Variants in RIMS2 observed in about 807,000 individuals in gnomAD.
The protein encoded by RIMS2 is regulating synaptic membrane exocytosis protein 2.
A neutral mutation model predicts 174.4 loss-of-function variants in RIMS2; 59 were observed. That is an observed-to-expected ratio of 0.34 (90% CI 0.27 to 0.42). The LOEUF is 0.42. Among genes scored for constraint, RIMS2 ranks in the 10% least tolerant of loss-of-function variants. The probability of loss-of-function intolerance (pLI) is 1.00; values close to 1 mark genes in which losing one functional copy is unlikely to be tolerated. For missense variants in RIMS2, 1,620 were observed against 1,666.3 expected, an observed-to-expected ratio of 0.97 and a Z score of 0.48; for synonymous variants, 606 against 572.5, an observed-to-expected ratio of 1.06 and a Z score of -0.84.
chr8:103,505,719 T>C (rs1215655696), intron 1 of RIMS2, among the ~76,000 whole-genome samples: 2 of 152,174 alleles, frequency 1.3e-5, no homozygotes, highest in Non-Finnish European at 2.9e-5. Flanking sequence ...AAGTGGTGTG[T>C]ACTAAGGGGA....
intron 1 of RIMS2, among the ~76,000 whole-genome samples, chr8:103,596,700 C>T (rs2094491067): frequency 6.6e-6 from 1 of 151,902 alleles, no homozygotes; most frequent in African/African-American, 2.4e-5. Flanking sequence ...ATAAAAATAT[C>T]TGACTGATTC....
chr8:103,703,105 T>C (rs968048950), intron 2 of RIMS2, among the ~76,000 whole-genome samples: 1 of 151,308 alleles, frequency 6.6e-6, no homozygotes, highest in Non-Finnish European at 1.5e-5. Context: ...CCTTGGCCTT[T>C]TGAGTATCTG....
intron 1 of RIMS2, among the ~76,000 whole-genome samples, chr8:103,647,381 G>GT (rs1456986051): frequency 6.6e-6 from 1 of 151,910 alleles, no homozygotes; most frequent in African/African-American, 2.4e-5. Flanking sequence ...TTGGCCTGAG[G>GT]TTTTTTGTGT....
chr8:103,914,055 G>T (rs1305477647), intron 6 of RIMS2, among the ~76,000 whole-genome samples: 5 of 152,116 alleles, frequency 3.3e-5, no homozygotes, highest in African/African-American at 1.2e-4. Context: ...GCCCAGAAAG[G>T]TGTTTAACTT....
chr8:103,585,434 T>G (rs2093858491), intron 1 of RIMS2, among the ~76,000 whole-genome samples: 1 of 152,132 alleles, frequency 6.6e-6, no homozygotes, highest in African/African-American at 2.4e-5. Flanking sequence ...CATGCACACA[T>G]ATGTTTATTG....
At chr8:104,067,324 T>C (rs944616441) in intron 19 of RIMS2, among the ~76,000 whole-genome samples, 44 of 152,334 alleles carry the variant, frequency 2.9e-4, no homozygotes, top group Non-Finnish European at 5.1e-4. Context: ...AGATTTGTAG[T>C]ATATGATCGA....
rs138378330 is a variant in RIMS2 at position 103,757,123 on chromosome 8, T to C, written c.388-9104T>C. On this transcript the variant is annotated intron_variant, in intron 2 of 23. Coordinates refer to ENST00000504942, the Ensembl canonical transcript of RIMS2. ...CAGAGGTGGTGATACCGGGAATCCT[T>C]AGATCATTTCCTACTTTAAAAGGAA... 4.4e-3 allele frequency among the ~76,000 whole-genome samples: 641 copies of C among 147,168 alleles called. 3 individuals are homozygous for C. The highest frequency in any genetic ancestry group is 0.015 in the African/African-American group (610 of 39,896).
At chr8:104,031,206 G>A (rs558430568) in intron 19 of RIMS2, among the ~76,000 whole-genome samples, 17 of 151,970 alleles carry the variant, frequency 1.1e-4, no homozygotes, top group South Asian at 4.2e-4. Flanking sequence ...TAAAATAGCC[G>A]TTTTATCTCA....
intron 1 of RIMS2, among the ~76,000 whole-genome samples, chr8:103,689,903 A>AT (rs1385493859): frequency 1.4e-5 from 1 of 72,622 alleles, no homozygotes; most frequent in Non-Finnish European, 2.5e-5. Flanking sequence ...AGAATATTGG[A>AT]TTTTTTGTTT....
chr8:103,716,753 T>G (rs1185062060), intron 2 of RIMS2, among the ~76,000 whole-genome samples: 1 of 152,188 alleles, frequency 6.6e-6, no homozygotes, highest in African/African-American at 2.4e-5. Flanking sequence ...AATATGAATT[T>G]TCTGAAGTAT....
intron 2 of RIMS2, among the ~76,000 whole-genome samples, chr8:103,721,288 A>G (rs2097444670): frequency 6.6e-6 from 1 of 152,168 alleles, no homozygotes; most frequent in Admixed American, 6.6e-5. Context: ...CTGCGAGCCA[A>G]TTAAACCTAT....
chr8:103,679,128 G>T (rs1222677740), intron 1 of RIMS2, among the ~76,000 whole-genome samples: 1 of 151,976 alleles, frequency 6.6e-6, no homozygotes, highest in East Asian at 1.9e-4. Context: ...CTTTTTACCA[G>T]ATAGCAAAGC....
At chr8:103,884,542 C>T (rs2099188523) in intron 3 of RIMS2, among the ~76,000 whole-genome samples, 2 of 151,744 alleles carry the variant, frequency 1.3e-5, no homozygotes, top group African/African-American at 4.8e-5. Context: ...GCAGTTTCTT[C>T]CTCTGAGACT....
At chr8:104,219,611 G>T (rs991515425) in intron 19 of RIMS2, among the ~76,000 whole-genome samples, 11 of 152,018 alleles carry the variant, frequency 7.2e-5, no homozygotes, top group African/African-American at 2.7e-4. Flanking sequence ...CTTCAAAAAG[G>T]TGATTTTTAT....
At chr8:103,963,368 A>G (rs1173029026) in intron 15 of RIMS2, among the ~76,000 whole-genome samples, 4 of 152,180 alleles carry the variant, frequency 2.6e-5, no homozygotes, top group Non-Finnish European at 5.9e-5. Flanking sequence ...CCAATTGCAC[A>G]TTGAATAAAG....
intron 11 of RIMS2, among the ~76,000 whole-genome samples, chr8:103,930,737 G>T (rs2154531583): frequency 6.6e-6 from 1 of 152,202 alleles, no homozygotes; most frequent in African/African-American, 2.4e-5. Context: ...AGTTCAAACT[G>T]AAGGAATCTA....
intron 11 of RIMS2, among the ~76,000 whole-genome samples, chr8:103,928,869 T>C (rs977094435): frequency 9.2e-5 from 14 of 151,502 alleles, no homozygotes; most frequent in African/African-American, 3.1e-4. Flanking sequence ...ATGTTTGTTA[T>C]ATTTGGGGGA....
At chr8:104,073,249 G>T (rs563091051) in intron 19 of RIMS2, among the ~76,000 whole-genome samples, 3 of 152,206 alleles carry the variant, frequency 2.0e-5, no homozygotes, top group Non-Finnish European at 4.4e-5. Flanking sequence ...TAATATGGAT[G>T]ATTTGATAAT....
chr8:104,133,434 G>A (rs1328052498), intron 19 of RIMS2, among the ~76,000 whole-genome samples: 1 of 152,142 alleles, frequency 6.6e-6, no homozygotes, highest in Non-Finnish European at 1.5e-5. Context: ...AAGAAAGAGA[G>A]GATAGGGTGC....
Sources: allele counts gnomAD v4.1 joint callset (sites outside exome capture counted in the v4.1 genomes callset), GRCh38; gene constraint gnomAD v4.1.1; transcripts MANE v1.5; gene names NCBI Gene and HGNC (gene_info 2026-07-23, HGNC 2026-07-21).